The following PCDH15 variants were observed in gnomAD, a reference collection of about 807,000 sequenced individuals.
PCDH15 encodes the protein protocadherin related 15.
A neutral mutation model predicts 178.5 loss-of-function variants in PCDH15; 129 were observed. That is an observed-to-expected ratio of 0.72 (90% CI 0.63 to 0.84). PCDH15 has a LOEUF of 0.84. PCDH15 is among the 40% of genes least tolerant of loss of function. The pLI is 0.00. For missense variants in PCDH15, 2,230 were observed against 2,099.9 expected, an observed-to-expected ratio of 1.06 and a Z score of -1.21; for synonymous variants, 800 against 732.0, an observed-to-expected ratio of 1.09 and a Z score of -1.50.
At chr10:54,653,106 C>T (rs1447692842) in intron 2 of PCDH15, among the ~76,000 whole-genome samples, 1 of 151,972 alleles carries the variant, frequency 6.6e-6, no homozygotes, top group Non-Finnish European at 1.5e-5. Context: ...TACCATTTTC[C>T]TCATTTTATA....
chr10:54,786,068 A>C (rs1364212327), intron 1 of PCDH15, among the ~76,000 whole-genome samples: 3 of 151,988 alleles, frequency 2.0e-5, no homozygotes, highest in African/African-American at 7.2e-5. Context: ...CTCCAGGTAA[A>C]GTAATATAAG....
At chr10:55,064,199 A>C (rs529641525) in intron 2 of PCDH15, among the ~76,000 whole-genome samples, 1 of 152,276 alleles carries the variant, frequency 6.6e-6, no homozygotes, top group South Asian at 2.1e-4. Flanking sequence ...GACTCTTCTT[A>C]GGGCCTGACA....
At chr10:53,975,388 A>G (rs1792987771) in intron 21 of PCDH15, among the ~76,000 whole-genome samples, 1 of 152,192 alleles carries the variant, frequency 6.6e-6, no homozygotes, top group African/African-American at 2.4e-5. Flanking sequence ...GAATTAATTT[A>G]CATTCCCACC....
At chr10:54,119,966 C>T (rs780039178) in intron 15 of PCDH15, among the ~76,000 whole-genome samples, 6 of 151,982 alleles carry the variant, frequency 3.9e-5, no homozygotes, top group Non-Finnish European at 8.8e-5. Context: ...TGTTCCCCTC[C>T]CTGTGTCCAT....
rs571862778 is a variant in PCDH15 at position 54,149,795 on chromosome 10, A to G, written c.1784+3305T>C. On this transcript the variant is annotated intron_variant, in intron 14 of 37. Transcript: ENST00000644397. ...GAGCACAGGAAGACTTGTAATTGGA[A>G]GAAGTTTTCAACACTCTAGACTAGA... 4.6e-5 allele frequency among the ~76,000 whole-genome samples: 7 copies of G among 152,290 alleles called. No homozygotes were observed. The East Asian group carries it at 1.4e-3, about 29-fold the overall frequency.
At chr10:55,370,588 T>A (rs2131988981) in intron 2 of PCDH15, among the ~76,000 whole-genome samples, 1 of 152,268 alleles carries the variant, frequency 6.6e-6, no homozygotes, top group Non-Finnish European at 1.5e-5. Context: ...CAGAATCGCT[T>A]CTGAAGTTCA....
chr10:55,336,124 G>GAAAA lies in PCDH15; in HGVS notation c.-155-169477_-155-169474dup, dbSNP rs748988261. On this transcript the variant is annotated intron_variant, in intron 2 of 5. Coordinates refer to the PCDH15 transcript ENST00000613346. ...CCCAAAATATGGCACCTTGGTATTTGAAAAAAAAAAAAAAAAAAAAAAAAA... is the reference window on the plus strand; with the variant it reads ...CCCAAAATATGGCACCTTGGTATTTGAAAAAAAAAAAAAAAAAAAAAAAAAAAAA... Among the ~76,000 whole-genome samples the GAAAA allele has an allele frequency of 3.9e-4, 23 of 59,292 alleles. 1 individual carries two copies. Among genetic ancestry groups the GAAAA allele is most frequent in the African/African-American group, 8.9e-4 (15 of 16,896 alleles). The allele number at this position is 59,292 out of a possible 152,430, so 38.9% of individuals were successfully genotyped here.
chr10:55,446,429 T>C (rs963704820), intron 2 of PCDH15, among the ~76,000 whole-genome samples: 2 of 151,898 alleles, frequency 1.3e-5, no homozygotes, highest in Non-Finnish European at 2.9e-5. Flanking sequence ...GTTTTTAAAA[T>C]GATAGAAGAA....
intron 25 of PCDH15, among the ~76,000 whole-genome samples, chr10:53,925,264 A>T (rs2084417364): frequency 6.6e-6 from 1 of 152,092 alleles, no homozygotes; most frequent in Non-Finnish European, 1.5e-5. Flanking sequence ...CCACGAACCC[A>T]CTGGGTAGAA....
chr10:55,004,518 G>A (rs139307061), intron 2 of PCDH15, among the ~76,000 whole-genome samples: 106 of 152,166 alleles, frequency 7.0e-4, no homozygotes, highest in African/African-American at 2.4e-3. Flanking sequence ...CACAACATCT[G>A]GAGACACCAG....
In PCDH15 at chr10:54,119,689, C is replaced by T. The variant is rs571323489; in HGVS notation, c.1917+13186G>A. Among the ~76,000 whole-genome samples, 12 of 152,196 alleles carry T rather than the reference C, an allele frequency of 7.9e-5. No homozygotes were observed. In the East Asian group the frequency reaches 1.2e-3, roughly 15 times the overall value. ...TATAAAATGACTTCACTAGGGCATA[C>T]AGCCACGTGACTGTCCAACATCAAT... is the stretch of plus-strand genomic sequence containing the variant. On this transcript the variant is annotated intron_variant, in intron 15 of 37. Transcript: ENST00000644397.
At chr10:55,300,674 C>G (rs191026539) in intron 1 of PCDH15, among the ~76,000 whole-genome samples, 45 of 152,144 alleles carry the variant, frequency 3.0e-4, no homozygotes, top group African/African-American at 1.1e-3. Context: ...AAAATTGATT[C>G]AATTTAGAAA....
intron 25 of PCDH15, among the ~76,000 whole-genome samples, chr10:53,924,307 G>A (rs908906577): frequency 6.6e-6 from 1 of 152,230 alleles, no homozygotes; most frequent in Non-Finnish European, 1.5e-5. Context: ...CCCAGGCAGT[G>A]AGGGGCTTAG....
chr10:55,377,750 G>C (rs1020413828), intron 2 of PCDH15, among the ~76,000 whole-genome samples: 4 of 152,012 alleles, frequency 2.6e-5, no homozygotes, highest in African/African-American at 9.7e-5. Flanking sequence ...TAGTATAAAA[G>C]ATATTATGAC....
At position 54,344,678 on chromosome 10, in the gene PCDH15, G is replaced by T. The variant is rs931852873; in HGVS notation, c.594+1687C>A. 3.3e-5 allele frequency among the ~76,000 whole-genome samples: 5 copies of T among 151,930 alleles called. No individual in the cohort carries two copies. In the Middle Eastern group the frequency reaches 0.01, roughly 310 times the overall value. ...TTAATTCTTTAAAAAAATACCTAAA[G>T]AGCAAACAAAATAAATGGTTTCAAA... is the stretch of plus-strand genomic sequence containing the variant. On this transcript the variant is annotated intron_variant, in intron 6 of 37. Transcript: ENST00000644397.
At chr10:55,619,012 A>G (rs1052716128) in intron 2 of PCDH15, among the ~76,000 whole-genome samples, 1 of 152,090 alleles carries the variant, frequency 6.6e-6, no homozygotes, top group African/African-American at 2.4e-5. Context: ...TCATGTGCAC[A>G]TAACAAAAGC....
intron 11 of PCDH15, among the ~76,000 whole-genome samples, chr10:54,186,744 T>G (rs2048508364): frequency 6.6e-6 from 1 of 151,962 alleles, no homozygotes; most frequent in African/African-American, 2.4e-5. Context: ...AACAGGCACT[T>G]CAGTTGTTTC....
Position 53,866,698 on chromosome 10 carries a change from G to GCA in PCDH15, c.3660_3661insTG (p.Gln1221CysfsTer13). 2.5e-6 allele frequency: 4 copies of GCA among 1,613,494 alleles called. No homozygotes were observed. The highest frequency in any genetic ancestry group is 3.4e-6 in the Non-Finnish European group (4 of 1,179,688). On this transcript the variant is annotated frameshift_variant, in exon 27 of 38. Transcript: ENST00000644397. LOFTEE classifies it high-confidence loss of function. Reference sequence around the variant, plus strand: ...CCATAGTCGTCAGTTGCAATAACTTGAAACTTGAAGTAGGATCTCCTCATA... The same window carrying GCA: ...CCATAGTCGTCAGTTGCAATAACTTGCAAAACTTGAAGTAGGATCTCCTCATA...
intron 3 of PCDH15, among the ~76,000 whole-genome samples, chr10:54,880,528 A>AGAATTTATTTTTATTTTT: frequency 6.6e-6 from 1 of 151,956 alleles, no homozygotes; most frequent in African/African-American, 2.4e-5. Context: ...TTAAAACCCT[A>AGAATTTATTTTTATTTTT]AAGTTGGTTC....
Sources: gnomAD v4.1 joint callset for allele counts (sites outside exome capture counted in the v4.1 genomes callset) on GRCh38, gnomAD v4.1.1 for gene constraint, MANE v1.5 for transcripts, NCBI Gene and HGNC (gene_info 2026-07-23, HGNC 2026-07-21) for gene names.